DENND2A: variants seen among roughly 807,000 people sequenced by gnomAD.
DENND2A encodes DENN domain-containing protein 2A.
A neutral mutation model predicts 105.3 loss-of-function variants in DENND2A; 53 were observed. That is an observed-to-expected ratio of 0.50 (90% CI 0.40 to 0.63). The LOEUF is 0.63. Among genes scored for constraint, DENND2A ranks in the 30% least tolerant of loss-of-function variants. The probability of loss-of-function intolerance (pLI) is 0.00; values close to 1 mark genes in which losing one functional copy is unlikely to be tolerated. For missense variants in DENND2A, 1,138 were observed against 1,279.6 expected (o/e 0.89, Z 1.69); for synonymous variants, 522 against 508.4 (o/e 1.03, Z -0.36).
At chr7:140,628,242 G>A (rs1389541151) in intron 1 of DENND2A, among the ~76,000 whole-genome samples, 2 of 152,208 alleles carry the variant, frequency 1.3e-5, no homozygotes, top group Non-Finnish European at 2.9e-5. Flanking sequence ...GTAAAAGCTG[G>A]TTTTGGAATT....
chr7:140,525,112 A>C (rs1204051753), intron 16 of DENND2A, among the ~76,000 whole-genome samples: 1 of 148,218 alleles, frequency 6.7e-6, no homozygotes, highest in Non-Finnish European at 1.5e-5. Context: ...ACTTGAGGCC[A>C]GGAGTTTGAG....
chr7:140,594,068 G>GA (rs1445343071), intron 3 of DENND2A, among the ~76,000 whole-genome samples: 1 of 151,956 alleles, frequency 6.6e-6, no homozygotes, highest in Non-Finnish European at 1.5e-5. Context: ...ATCCATGCCT[G>GA]ACTAATTTTT....
At chr7:140,540,133 C>T (rs979247063) in intron 14 of DENND2A, among the ~76,000 whole-genome samples, 22 of 152,228 alleles carry the variant, frequency 1.4e-4, no homozygotes, top group Middle Eastern at 3.2e-3. Flanking sequence ...AACCCAATGA[C>T]GGTCTTTCTC....
chr7:140,601,530 T>C lies in DENND2A; in HGVS notation c.868A>G (p.Arg290Gly). Residue 290 changes from arginine to glycine, a missense_variant, in exon 3 of 20, where the codon AGG (arginine) becomes GGG (glycine). Transcript: ENST00000496613. Reference protein sequence around the residue: ...DKDGKPGIGFRKEKRNLPPLP... With the variant: ...DKDGKPGIGFGKEKRNLPPLP... ...GGAGGCAGATTTCTTTTCTCTTTCC[T>C]GAAGCCGATGCCAGGCTTCCCATCT... The C allele has an allele frequency of 6.2e-7, 1 of 1,614,194 alleles. No individual in the cohort carries two copies. The highest frequency in any genetic ancestry group is 8.5e-7 in the Non-Finnish European group (1 of 1,180,034).
rs1799549004 is a variant in DENND2A at position 140,602,394 on chromosome 7, C to T, written c.4G>A (p.Asp2Asn). The T allele has an allele frequency of 1.9e-6, 3 of 1,559,980 alleles. No homozygotes were observed. In the East Asian group the frequency reaches 6.8e-5, roughly 35 times the overall value. Residue 2 changes from aspartate to asparagine, a missense_variant, in exon 3 of 20, where the codon GAT (aspartate) becomes AAT (asparagine). By Grantham distance (23) the Asp-to-Asn change is conservative (BLOSUM62 1). Coordinates refer to ENST00000496613, the MANE Select transcript of DENND2A (RefSeq NM_015689.5). The part of the protein sequence containing the change: M[D>N]MFSLDMIISD... ...ATGATCATATCCAAGCTGAACATAT[C>T]CATTCTTGACTCTAGCGTGAGGTTG...
intron 14 of DENND2A, among the ~76,000 whole-genome samples, chr7:140,538,497 C>CT (rs1278843645): frequency 6.6e-6 from 1 of 152,048 alleles, no homozygotes; most frequent in Non-Finnish European, 1.5e-5. Flanking sequence ...TGAAGACTTT[C>CT]TTTTTTCTTT....
chr7:140,541,029 G>A (rs895816964), intron 14 of DENND2A, among the ~76,000 whole-genome samples: 3 of 152,144 alleles, frequency 2.0e-5, no homozygotes, highest in Non-Finnish European at 2.9e-5. Context: ...GCATTTCCAG[G>A]TTTCTTTGTG....
At chr7:140,534,360 G>C (rs1796384737) in intron 14 of DENND2A, among the ~76,000 whole-genome samples, 1 of 152,136 alleles carries the variant, frequency 6.6e-6, no homozygotes, top group Non-Finnish European at 1.5e-5. Context: ...TGGGATTACA[G>C]GCATGAGCCA....
At chr7:140,577,480 C>A (rs1311052710) in intron 5 of DENND2A, among the ~76,000 whole-genome samples, 6 of 151,928 alleles carry the variant, frequency 3.9e-5, no homozygotes, top group African/African-American at 1.2e-4. Context: ...TAACTGCAAC[C>A]TCCACCTCGC....
At chr7:140,543,121 CTT>C (rs35896324) in intron 14 of DENND2A, among the ~76,000 whole-genome samples, 28 of 139,192 alleles carry the variant, frequency 2.0e-4, no homozygotes, top group Non-Finnish European at 2.5e-4. Context: ...CTTTTCTTTT[CTT>C]TTTTTTTTTT....
At chr7:140,553,950 G>A (rs569693241) in intron 12 of DENND2A, among the ~76,000 whole-genome samples, 8 of 152,310 alleles carry the variant, frequency 5.3e-5, no homozygotes, top group South Asian at 2.1e-4. Context: ...ACAAGGGGCC[G>A]GATGCAGTGG....
At chr7:140,553,592 A>G (rs1204046695) in intron 12 of DENND2A, among the ~76,000 whole-genome samples, 3 of 152,176 alleles carry the variant, frequency 2.0e-5, no homozygotes, top group African/African-American at 7.2e-5. Context: ...AGACTATCCC[A>G]TGAGGAGAAA....
chr7:140,588,992 C>T (rs1349346200), intron 3 of DENND2A, among the ~76,000 whole-genome samples: 1 of 152,132 alleles, frequency 6.6e-6, no homozygotes, highest in Non-Finnish European at 1.5e-5. Flanking sequence ...ATCTGCCTGC[C>T]TCAGCCTCCC....
At position 140,527,217 on chromosome 7, in the gene DENND2A, C is replaced by G. The variant is rs2130467859; in HGVS notation, c.2505+101G>C. On this transcript the variant is annotated intron_variant, in intron 15 of 19. Transcript: ENST00000496613. The surrounding 1 kb of genome is among the most constrained non-coding windows in gnomAD (Gnocchi z 4.9). Reference sequence around the variant, plus strand: ...TGCCCCCACGCCCTGCTCCCCAACACTGCTGGCTCTGAGAACCGCTCCATG... The same window carrying G: ...TGCCCCCACGCCCTGCTCCCCAACAGTGCTGGCTCTGAGAACCGCTCCATG... 7.5e-7 allele frequency: 1 copy of G among 1,330,212 alleles called. No homozygotes were observed. Among genetic ancestry groups the G allele is most frequent in the Admixed American group, 2.6e-5 (1 of 38,566 alleles). 82.4% of individuals were successfully genotyped at this position (1,330,212 alleles called of 1,614,324 possible).
intron 14 of DENND2A, among the ~76,000 whole-genome samples, chr7:140,533,586 T>C (rs1796348153): frequency 6.6e-6 from 1 of 152,074 alleles, no homozygotes. Context: ...TGGAGAAACG[T>C]GACAGAAAGG....
At chr7:140,547,815 G>A (rs1796968068) in intron 12 of DENND2A, among the ~76,000 whole-genome samples, 2 of 152,162 alleles carry the variant, frequency 1.3e-5, no homozygotes, top group African/African-American at 4.8e-5. Flanking sequence ...TCAAAGTGCT[G>A]ATACATGCTA....
At chr7:140,565,910 T>C (rs1032026215) in intron 9 of DENND2A, among the ~76,000 whole-genome samples, 1 of 152,172 alleles carries the variant, frequency 6.6e-6, no homozygotes, top group African/African-American at 2.4e-5. Flanking sequence ...ACCAGCATCA[T>C]GACAGTTTAC....
intron 11 of DENND2A, among the ~76,000 whole-genome samples, chr7:140,556,749 C>A (rs1363299936): frequency 6.6e-6 from 1 of 152,168 alleles, no homozygotes; most frequent in Non-Finnish European, 1.5e-5. Flanking sequence ...AAAAATGTTT[C>A]TTGAACACCT....
intron 1 of DENND2A, among the ~76,000 whole-genome samples, chr7:140,628,730 C>T (rs1028844584): frequency 5.3e-5 from 8 of 151,658 alleles, no homozygotes; most frequent in East Asian, 1.9e-4. Context: ...TTAGTAGAGA[C>T]GGGGTTTCAC....
Sources: allele counts gnomAD v4.1 joint callset (sites outside exome capture counted in the v4.1 genomes callset), GRCh38; gene constraint gnomAD v4.1.1; non-coding constraint Gnocchi (gnomAD v3.1); transcripts MANE v1.5; gene names NCBI Gene and HGNC (gene_info 2026-07-23, HGNC 2026-07-21).